Variants in DAZAP1 observed in about 807,000 individuals in gnomAD.
DAZAP1 encodes DAZ associated protein 1, also known as DAZ-associated protein 1.
In DAZAP1, 6 loss-of-function variants were observed where a neutral mutation model predicts 60.1. That is an observed-to-expected ratio of 0.10 (90% CI 0.05 to 0.20). DAZAP1 has a LOEUF of 0.20. Ranked by LOEUF, DAZAP1 falls within the 10% of genes least tolerant of loss-of-function variation. The probability of loss-of-function intolerance (pLI) is 1.00; values close to 1 mark genes in which losing one functional copy is unlikely to be tolerated. For synonymous variants in DAZAP1, 235 were observed against 215.9 expected (o/e 1.09, Z -0.78); for missense variants, 366 against 560.4 (o/e 0.65, Z 3.50).
chr19:1,426,213 G>C lies in DAZAP1; in HGVS notation c.546+253G>C. 6.4e-6 allele frequency: 3 copies of C among 468,582 alleles called. No homozygotes were observed. The highest frequency in any genetic ancestry group is 1.2e-5 in the Non-Finnish European group (3 of 254,330). The allele number at this position is 468,582 out of a possible 1,614,324, so 29.0% of individuals were successfully genotyped here. ...CCCTCTGGGTGACCTGGGACTGGGC[G>C]GGTAGGGGGCTGGGGCTGGGAGGCT... On this transcript the variant is annotated intron_variant, in intron 7 of 11. Coordinates refer to ENST00000233078, the MANE Select transcript of DAZAP1 (RefSeq NM_018959.4). The surrounding 1 kb of genome is among the most constrained non-coding windows in gnomAD (Gnocchi z 5.4).
rs2083559846 is a variant in DAZAP1 at position 1,434,938 on chromosome 19, G to A, written c.*26G>A. On this transcript the variant is annotated 3_prime_UTR_variant, in exon 12 of 12. Transcript: ENST00000233078. This position sits in a 1 kb window ranked among gnomAD's most constrained non-coding sequence, Gnocchi z 8.0. ...CCCGCGGCGCCGCGACGTCTGCACG[G>A]CCCAGACCCAGGATTCCAAACTTGT... is the stretch of plus-strand genomic sequence containing the variant. 1.1e-5 allele frequency: 13 copies of A among 1,232,046 alleles called. No individual in the cohort carries two copies. The highest frequency in any genetic ancestry group is 1.3e-5 in the Non-Finnish European group (13 of 972,478). 76.3% of individuals were successfully genotyped at this position (1,232,046 alleles called of 1,614,324 possible). A position where few individuals can be genotyped will look rare whatever the true frequency, so the allele number is the denominator to read the frequency against.
chr19:1,427,318 T>G (rs1015580280), intron 7 of DAZAP1: 2 of 152,306 alleles, frequency 1.3e-5, no homozygotes, highest in African/African-American at 4.8e-5. Context: ...GGGCAGCCCC[T>G]GGGTCCCCCC....
intron 6 of DAZAP1, among the ~76,000 whole-genome samples, chr19:1,424,339 C>T (rs1353621464): frequency 8.6e-6 from 1 of 116,734 alleles, no homozygotes; most frequent in African/African-American, 3.2e-5. Context: ...TCCCCCTCCC[C>T]CTCCTCCTCC....
At chr19:1,424,117 G>A (rs2083238236) in intron 6 of DAZAP1, among the ~76,000 whole-genome samples, 1 of 151,348 alleles carries the variant, frequency 6.6e-6, no homozygotes, top group South Asian at 2.1e-4. Flanking sequence ...CTGACTGAAG[G>A]TCATGGCCAT....
chr19:1,419,088 G>A (rs1012775673), intron 4 of DAZAP1, among the ~76,000 whole-genome samples: 5 of 152,206 alleles, frequency 3.3e-5, no homozygotes, highest in Admixed American at 1.3e-4. Context: ...GGGCTGGGCC[G>A]GGCTGTGTCA....
chr19:1,432,735 C>CGGG lies in DAZAP1; in HGVS notation c.1048+45_1048+46insGGG. The CGGG allele has an allele frequency of 6.5e-7, 1 of 1,535,824 alleles. No individual in the cohort carries two copies. The highest frequency in any genetic ancestry group is 8.8e-7 in the Non-Finnish European group (1 of 1,137,470). On this transcript the variant is annotated intron_variant, in intron 11 of 11. Transcript: ENST00000233078. This position sits in a 1 kb window ranked among gnomAD's most constrained non-coding sequence, Gnocchi z 4.9. ...GCCGCGTCCCCGCTGGCCCCAGGAC[C>CGGG]CTGGGCACGGCCTGCCTTCTTCTGC...
At position 1,434,971 on chromosome 19, in the gene DAZAP1, T is replaced by A. The variant is rs946061936; in HGVS notation, c.*59T>A. 1.1e-4 allele frequency: 103 copies of A among 960,384 alleles called. No individual in the cohort carries two copies. Among genetic ancestry groups the A allele is most frequent in the Non-Finnish European group, 1.2e-4 (96 of 818,082 alleles). 59.5% of individuals were successfully genotyped at this position (960,384 alleles called of 1,614,324 possible). On this transcript the variant is annotated 3_prime_UTR_variant, in exon 12 of 12. Transcript: ENST00000233078. The surrounding 1 kb of genome is among the most constrained non-coding windows in gnomAD (Gnocchi z 8.0). ...CCAGGATTCCAAACTTGTGAACTCG[T>A]GACAATCACAAACTTGGCGGCAAAG...
chr19:1,434,803 C>T lies in DAZAP1; in HGVS notation c.1115C>T (p.Ser372Phe). The change falls in exon 12 of 12, where the codon TCC becomes TTC. Residue 372 changes from serine (S) to phenylalanine (F), a missense_variant. By Grantham distance (155) the Ser-to-Phe change is radical (BLOSUM62 -2). Around this residue, in one of 3 missense-constraint regions of DAZAP1, gnomAD observed 240 missense variants for 308.8 expected, o/e 0.78. Coordinates refer to ENST00000233078, the MANE Select transcript of DAZAP1 (RefSeq NM_018959.4). This position sits in a 1 kb window ranked among gnomAD's most constrained non-coding sequence, Gnocchi z 8.0. ...GFSDPSQQPP[S>F]YGGPSVPGSG... ...TCAGACCCCAGCCAGCAGCCTCCTTCCTACGGGGGTCCCTCCGTGCCAGGG... is the reference window on the plus strand; with the variant it reads ...TCAGACCCCAGCCAGCAGCCTCCTTTCTACGGGGGTCCCTCCGTGCCAGGG... The T allele has an allele frequency of 6.2e-7, 1 of 1,612,538 alleles. No homozygotes were observed. The highest frequency in any genetic ancestry group is 8.5e-7 in the Non-Finnish European group (1 of 1,179,402).
Position 1,418,081 on chromosome 19 carries a change from A to G in DAZAP1, c.71-123A>G. 1.1e-6 allele frequency: 1 copy of G among 949,070 alleles called. No homozygotes were observed. The highest frequency in any genetic ancestry group is 1.6e-6 in the Non-Finnish European group (1 of 623,522). 58.8% of individuals were successfully genotyped at this position (949,070 alleles called of 1,614,324 possible). A position where few individuals can be genotyped will look rare whatever the true frequency, so the allele number is the denominator to read the frequency against. ...CGCTTCCCGTACACCCCCCACCCCCAGTGCAGCATCGCTCGGTGCGTGGCT... is the reference window on the plus strand; with the variant it reads ...CGCTTCCCGTACACCCCCCACCCCCGGTGCAGCATCGCTCGGTGCGTGGCT... On this transcript the variant is annotated intron_variant, in intron 2 of 11. Coordinates refer to ENST00000233078, the MANE Select transcript of DAZAP1 (RefSeq NM_018959.4). The surrounding 1 kb of genome is among the most constrained non-coding windows in gnomAD (Gnocchi z 5.7).
chr19:1,430,371 A>AG lies in DAZAP1; in HGVS notation c.871+14dup. The AG allele has an allele frequency of 6.7e-7, 1 of 1,489,626 alleles. No homozygotes were observed. The highest frequency in any genetic ancestry group is 8.9e-7 in the Non-Finnish European group (1 of 1,123,512). The allele number at this position is 1,489,626 out of a possible 1,614,324, so 92.3% of individuals were successfully genotyped here. ...TGCCCCGCCACAGTTCAGTAAGTCT[A>AG]GGGGGCCTTGTGGGAGGGCCTCCCG... On this transcript the variant is annotated intron_variant, in intron 10 of 11. Coordinates refer to ENST00000233078, the MANE Select transcript of DAZAP1 (RefSeq NM_018959.4).
At chr19:1,413,572 G>C (rs1402974825) in intron 1 of DAZAP1, among the ~76,000 whole-genome samples, 8 of 152,254 alleles carry the variant, frequency 5.3e-5, no homozygotes, top group Non-Finnish European at 1.0e-4. Flanking sequence ...GGTGGCTCCT[G>C]AGTGGTAGTA....
Position 1,407,779 on chromosome 19 carries a change from C to T in DAZAP1, c.6C>T (p.Asn2=), listed in dbSNP as rs2082707121. 3.7e-6 allele frequency: 4 copies of T among 1,083,948 alleles called. No individual in the cohort carries two copies. The highest frequency in any genetic ancestry group is 1.7e-5 in the African/African-American group (1 of 58,612). 67.1% of individuals were successfully genotyped at this position (1,083,948 alleles called of 1,614,324 possible). M[N]NSGADEIGKL... ...GCGTCGCCGCCGCCGCCGCCATGAACAACTCGGGCGCCGACGAGATCGGGT... is the reference window on the plus strand; with the variant it reads ...GCGTCGCCGCCGCCGCCGCCATGAATAACTCGGGCGCCGACGAGATCGGGT... Residue 2 remains asparagine (N), a synonymous_variant, in exon 1 of 12, where the codon AAC becomes AAT. Coordinates refer to ENST00000233078, the MANE Select transcript of DAZAP1 (RefSeq NM_018959.4).
In DAZAP1 at chr19:1,434,206, T is replaced by TG. The variant is rs2083533703; in HGVS notation, c.1049-527dup. On this transcript the variant is annotated intron_variant, in intron 11 of 11. Coordinates refer to ENST00000233078, the MANE Select transcript of DAZAP1 (RefSeq NM_018959.4). This position sits in a 1 kb window ranked among gnomAD's most constrained non-coding sequence, Gnocchi z 8.0. ...CTGGCCCCTCAGCCAGTGGTGTCAC[T>TG]GGGGCAGTCAGGTTGGGCCCAGAAA... 1 of 245,708 alleles carries TG rather than the reference T, an allele frequency of 4.1e-6. No individual in the cohort carries two copies. The highest frequency in any genetic ancestry group is 5.1e-5 in the Admixed American group (1 of 19,568). 15.2% of individuals were successfully genotyped at this position (245,708 alleles called of 1,614,324 possible).
Position 1,433,795 on chromosome 19 carries a change from C to T in DAZAP1, c.1049-942C>T, listed in dbSNP as rs767783501. On this transcript the variant is annotated intron_variant, in intron 11 of 11. Coordinates refer to ENST00000233078, the MANE Select transcript of DAZAP1 (RefSeq NM_018959.4). The surrounding 1 kb of genome is among the most constrained non-coding windows in gnomAD (Gnocchi z 6.1). The stretch of plus-strand genomic sequence containing the variant: ...CTGCGGCCCACACTTTGTTTACAGT[C>T]TTATGGTCAGGCTGAGCAGTGATGT... 105 of 1,613,864 alleles carry T rather than the reference C, an allele frequency of 6.5e-5. No individual in the cohort carries two copies. Among genetic ancestry groups the T allele is most frequent in the Non-Finnish European group, 8.6e-5 (102 of 1,179,904 alleles).
rs2083369157 is a variant in DAZAP1, at chr19:1,428,843, T to C, written c.548T>C (p.Val183Ala). 1 of 1,611,434 alleles carries C rather than the reference T, an allele frequency of 6.2e-7. No individual in the cohort carries two copies. The highest frequency in any genetic ancestry group is 8.5e-7 in the Non-Finnish European group (1 of 1,179,484). ...TAAACCAGAGCTCGGTTTGTTTAGGTGGAAGTTAAACGAGCTGAGCCTCGG... is the reference window on the plus strand; with the variant it reads ...TAAACCAGAGCTCGGTTTGTTTAGGCGGAAGTTAAACGAGCTGAGCCTCGG... ...MHFHDIMGKK[V>A]EVKRAEPRDS... is the part of the protein sequence containing the mutation. The change falls in exon 8 of 12, where the codon GTG becomes GCG. Residue 183 changes from valine to alanine, a missense_variant and splice_region_variant. By Grantham distance (64) the Val-to-Ala change is moderately conservative. Transcript: ENST00000233078. This position sits in a 1 kb window ranked among gnomAD's most constrained non-coding sequence, Gnocchi z 4.0.
chr19:1,408,050 C>T (rs1300998552), intron 1 of DAZAP1, among the ~76,000 whole-genome samples: 1 of 151,364 alleles, frequency 6.6e-6, no homozygotes. Flanking sequence ...TGAAGGAGAG[C>T]CTGAGGGGTC....
chr19:1,411,633 C>T (rs2082833811), intron 1 of DAZAP1, among the ~76,000 whole-genome samples: 1 of 152,252 alleles, frequency 6.6e-6, no homozygotes, highest in Non-Finnish European at 1.5e-5. Flanking sequence ...AGCAGCTCCC[C>T]AGTGGCCCAG....
Position 1,430,264 on chromosome 19 carries a change from C to CCCCCCCCCCCCAAA in DAZAP1, c.773_774insCCCCCCCCCCCAAA (p.Phe262GlnfsTer78). On this transcript the variant is annotated frameshift_variant, in exon 10 of 12. Transcript: ENST00000233078. LOFTEE classifies it high-confidence loss of function. The stretch of plus-strand genomic sequence containing the variant: ...CCTGCAGGAAGAGGAGCCCCCCCGC[C>CCCCCCCCCCCCAAA]ACCCCCACCGTTCACCTCCTACATC... 7.8e-7 allele frequency: 1 copy of CCCCCCCCCCCCAAA among 1,276,788 alleles called. No homozygotes were observed. The highest frequency in any genetic ancestry group is 1.1e-6 in the Non-Finnish European group (1 of 904,772). The allele number at this position is 1,276,788 out of a possible 1,614,324, so 79.1% of individuals were successfully genotyped here.
In DAZAP1 at chr19:1,426,725, G is replaced by T. The variant is rs1261129642; in HGVS notation, c.546+765G>T. 1 of 152,200 alleles carries T rather than the reference G, an allele frequency of 6.6e-6. No individual in the cohort carries two copies. Among genetic ancestry groups the T allele is most frequent in the Non-Finnish European group, 1.5e-5 (1 of 68,028 alleles). The allele number at this position is 152,200 out of a possible 1,614,324, so 9.4% of individuals were successfully genotyped here. On this transcript the variant is annotated intron_variant, in intron 7 of 11. Coordinates refer to ENST00000233078, the MANE Select transcript of DAZAP1 (RefSeq NM_018959.4). This position sits in a 1 kb window ranked among gnomAD's most constrained non-coding sequence, Gnocchi z 5.4. ...TACAGTGTGGAATTTCTTGCAGTTAGCAAAAGCTTAGGGGTCCAGGTTTTT... is the reference window on the plus strand; with the variant it reads ...TACAGTGTGGAATTTCTTGCAGTTATCAAAAGCTTAGGGGTCCAGGTTTTT...
Sources: allele counts gnomAD v4.1 joint callset (sites outside exome capture counted in the v4.1 genomes callset), GRCh38; gene constraint gnomAD v4.1.1; regional missense constraint gnomAD v4.1.1; non-coding constraint Gnocchi (gnomAD v3.1); transcripts MANE v1.5; gene names NCBI Gene and HGNC (gene_info 2026-07-23, HGNC 2026-07-21).